Variants in PLXNA2 observed in about 807,000 individuals in gnomAD.
PLXNA2 encodes plexin A2.
A neutral mutation model predicts 193.5 loss-of-function variants in PLXNA2; 91 were observed. That is an observed-to-expected ratio of 0.47 (90% CI 0.40 to 0.56). The LOEUF is 0.56. Among genes scored for constraint, PLXNA2 ranks in the 20% least tolerant of loss-of-function variants. PLXNA2 has a pLI of 0.00. For synonymous variants in PLXNA2, 997 were observed against 1,027.3 expected (o/e 0.97, Z 0.56); for missense variants, 1,995 against 2,503.2 (o/e 0.80, Z 4.33).
intron 5 of PLXNA2, among the ~76,000 whole-genome samples, chr1:208,101,488 A>T (rs1161440528): frequency 6.6e-6 from 1 of 152,152 alleles, no homozygotes; most frequent in African/African-American, 2.4e-5. Context: ...AAGCTGGGAG[A>T]TGAGTGTCCT....
intron 4 of PLXNA2, among the ~76,000 whole-genome samples, chr1:208,123,112 C>T (rs949434754): frequency 7.9e-5 from 12 of 152,152 alleles, no homozygotes; most frequent in Admixed American, 5.9e-4. Flanking sequence ...CAACACCAAT[C>T]GACTTTCTGT....
intron 1 of PLXNA2, among the ~76,000 whole-genome samples, chr1:208,241,643 C>A (rs893906973): frequency 1.3e-5 from 2 of 152,244 alleles, no homozygotes; most frequent in African/African-American, 4.8e-5. Context: ...CTCCAAATGT[C>A]ATTTCCATTT....
In PLXNA2 at chr1:208,031,583, G is replaced by A. The variant is rs1334340761; in HGVS notation, c.5225+7C>T. 6.2e-7 allele frequency: 1 copy of A among 1,613,982 alleles called. No homozygotes were observed. Among genetic ancestry groups the A allele is most frequent in the South Asian group, 1.1e-5 (1 of 91,060 alleles). On this transcript the variant is annotated splice_region_variant and intron_variant, in intron 29 of 31. Coordinates refer to ENST00000367033, the MANE Select transcript of PLXNA2 (RefSeq NM_025179.4). Reference sequence around the variant, plus strand: ...TGCACCTCCTGCTGAGCTCCCCGAGGGTTTACCAGTTGCTTTTCCAGGTGT... The same window carrying A: ...TGCACCTCCTGCTGAGCTCCCCGAGAGTTTACCAGTTGCTTTTCCAGGTGT...
At chr1:208,114,661 T>C (rs1169902930) in intron 4 of PLXNA2, among the ~76,000 whole-genome samples, 1 of 152,214 alleles carries the variant, frequency 6.6e-6, no homozygotes, top group Non-Finnish European at 1.5e-5. Context: ...TTTCTAACCA[T>C]CCAAAACTTG....
intron 1 of PLXNA2, chr1:208,230,211 GT>G (rs1451495614): frequency 6.6e-6 from 1 of 152,206 alleles, no homozygotes; most frequent in East Asian, 1.9e-4. Context: ...AACTCCGAGG[GT>G]TCTGTTTTAG....
At position 208,023,668 on chromosome 1, in the gene PLXNA2, A is replaced by G. The variant is rs1224060914; in HGVS notation, c.*3575T>C. On this transcript the variant is annotated 3_prime_UTR_variant, in exon 32 of 32. Coordinates refer to ENST00000367033, the MANE Select transcript of PLXNA2 (RefSeq NM_025179.4). The stretch of plus-strand genomic sequence containing the variant: ...TCCTTTGCTGGACCACTTTTCCTAC[A>G]AAACTGGTACCCTGTGCCACTAGGG... 1 of 152,466 alleles carries G rather than the reference A, an allele frequency of 6.6e-6. No individual in the cohort carries two copies. The highest frequency in any genetic ancestry group is 1.5e-5 in the Non-Finnish European group (1 of 68,050). 9.4% of individuals were successfully genotyped at this position (152,466 alleles called of 1,614,324 possible). A position where few individuals can be genotyped will look rare whatever the true frequency, so the allele number is the denominator to read the frequency against.
chr1:208,080,538 A>G (rs7540179), intron 11 of PLXNA2, among the ~76,000 whole-genome samples: 74,147 of 151,994 alleles, frequency 0.49, 18,591 homozygotes, highest in Non-Finnish European at 0.54. Context: ...GCCGTTGCTG[A>G]AAGTGAGACA....
At chr1:208,229,642 G>C (rs1053905314) in intron 1 of PLXNA2, among the ~76,000 whole-genome samples, 1 of 152,230 alleles carries the variant, frequency 6.6e-6, no homozygotes, top group Non-Finnish European at 1.5e-5. Flanking sequence ...GGCTAGATGG[G>C]TGAGGTGGGA....
Position 208,096,085 on chromosome 1 carries a change from T to C in PLXNA2, c.1926A>G (p.Thr642=), listed in dbSNP as rs759775478. The change falls in exon 8 of 32, where the codon ACA becomes ACG. Residue 642 remains threonine, a synonymous_variant. Coordinates refer to ENST00000367033, the MANE Select transcript of PLXNA2 (RefSeq NM_025179.4). ...GLELQLRSKE[T]GKIFVSTEFK... Reference sequence around the variant, plus strand: ...ACTCGGTGCTGACAAATATCTTCCCTGTCTCCTTGGACCTCAGCTGTAGCT... The same window carrying C: ...ACTCGGTGCTGACAAATATCTTCCCCGTCTCCTTGGACCTCAGCTGTAGCT... The C allele has an allele frequency of 1.4e-5, 22 of 1,614,164 alleles. No homozygotes were observed. Among genetic ancestry groups the C allele is most frequent in the South Asian group, 4.4e-5 (4 of 91,070 alleles).
chr1:208,201,048 C>G (rs1572025887), intron 3 of PLXNA2, among the ~76,000 whole-genome samples: 1 of 152,346 alleles, frequency 6.6e-6, no homozygotes, highest in East Asian at 1.9e-4. Context: ...ACTCTAGCAG[C>G]AACAGAGGTG....
chr1:208,070,071 T>A (rs1665932913), intron 12 of PLXNA2, among the ~76,000 whole-genome samples: 1 of 152,200 alleles, frequency 6.6e-6, no homozygotes, highest in Non-Finnish European at 1.5e-5. Flanking sequence ...CTTTTTGCCT[T>A]ACACAGCACT....
intron 12 of PLXNA2, among the ~76,000 whole-genome samples, chr1:208,073,119 T>C (rs1359024902): frequency 6.6e-6 from 1 of 152,212 alleles, no homozygotes; most frequent in Non-Finnish European, 1.5e-5. Flanking sequence ...GCAGGGTTGT[T>C]TGAAGGAGTA....
chr1:208,230,810 C>A (rs1226732160), intron 1 of PLXNA2, among the ~76,000 whole-genome samples: 2 of 152,240 alleles, frequency 1.3e-5, no homozygotes, highest in Non-Finnish European at 2.9e-5. Context: ...AGACTCCCAG[C>A]TCTTGCAGTA....
chr1:208,060,285 C>T (rs1031873924), intron 13 of PLXNA2, among the ~76,000 whole-genome samples: 1 of 152,202 alleles, frequency 6.6e-6, no homozygotes. Context: ...AGGCCCTGCT[C>T]GGATTAAGCT....
At chr1:208,227,363 TC>T (rs776861545) in intron 1 of PLXNA2, among the ~76,000 whole-genome samples, 5 of 152,156 alleles carry the variant, frequency 3.3e-5, no homozygotes, top group Non-Finnish European at 7.4e-5. Flanking sequence ...AGCATGACTA[TC>T]CCCATTTCAC....
intron 10 of PLXNA2, among the ~76,000 whole-genome samples, chr1:208,083,828 CCTCCCCTCCTCCCAT>C (rs1262290896): frequency 6.6e-6 from 1 of 152,104 alleles, no homozygotes; most frequent in African/African-American, 2.4e-5. Flanking sequence ...TCCCCTCCCA[CCTCCCCTCCTCCCAT>C]CTCACTTCCT....
chr1:208,167,460 C>T (rs1669345959), intron 3 of PLXNA2, among the ~76,000 whole-genome samples: 1 of 152,218 alleles, frequency 6.6e-6, no homozygotes, highest in South Asian at 2.1e-4. Context: ...CTGCCCAGTG[C>T]TGGGATGCGT....
At chr1:208,128,473 G>A (rs1024036407) in intron 4 of PLXNA2, among the ~76,000 whole-genome samples, 3 of 151,582 alleles carry the variant, frequency 2.0e-5, no homozygotes, top group African/African-American at 7.3e-5. Flanking sequence ...AGGTATTATT[G>A]TTATCCCCAC....
In PLXNA2 at chr1:208,071,418, C is replaced by T. The variant is rs183823571; in HGVS notation, c.2586+7842G>A. Among the ~76,000 whole-genome samples, 12 of 152,340 alleles carry T rather than the reference C, an allele frequency of 7.9e-5. No individual in the cohort carries two copies. In the East Asian group the frequency reaches 1.5e-3, roughly 20 times the overall value. ...CTTTACAGGGCAGTGATGCCAACTT[C>T]GTGGCTGCACATTTTCATTCCCTCC... On this transcript the variant is annotated intron_variant, in intron 12 of 31. Coordinates refer to ENST00000367033, the MANE Select transcript of PLXNA2 (RefSeq NM_025179.4).
Sources: allele counts gnomAD v4.1 joint callset (sites outside exome capture counted in the v4.1 genomes callset), GRCh38; gene constraint gnomAD v4.1.1; transcripts MANE v1.5; gene names NCBI Gene and HGNC (gene_info 2026-07-23, HGNC 2026-07-21).